Variants in TMEM196 observed in about 807,000 individuals in gnomAD.
TMEM196 encodes transmembrane protein 196.
In TMEM196, 17 loss-of-function variants were observed where a neutral mutation model predicts 20.0. That is an observed-to-expected ratio of 0.85 (90% CI 0.58 to 1.27). The LOEUF (loss-of-function observed/expected upper bound fraction) is 1.27. Ranked by LOEUF, TMEM196 falls within the 50% of genes most tolerant of loss-of-function variation. The probability of loss-of-function intolerance (pLI) is 0.00; values close to 1 mark genes in which losing one functional copy is unlikely to be tolerated. For missense variants in TMEM196, 267 were observed against 223.0 expected (o/e 1.20, Z -1.26); for synonymous variants, 113 against 88.9 (o/e 1.27, Z -1.52).
At chr7:19,733,654 C>CT (rs35191382) in intron 1 of TMEM196, among the ~76,000 whole-genome samples, 12 of 136,422 alleles carry the variant, frequency 8.8e-5, no homozygotes, top group Admixed American at 1.4e-4. Context: ...GTAGAAGATC[C>CT]TTTTTTAAAA....
At chr7:19,744,911 A>T (rs1784699777) in intron 1 of TMEM196, among the ~76,000 whole-genome samples, 1 of 152,220 alleles carries the variant, frequency 6.6e-6, no homozygotes, top group Non-Finnish European at 1.5e-5. Context: ...CAACAACAAC[A>T]AAACAGCAAA....
rs1783965922 is a variant in TMEM196 at position 19,725,551 on chromosome 7, T to C, written c.422A>G (p.Glu141Gly). 6.2e-7 allele frequency: 1 copy of C among 1,613,326 alleles called. No homozygotes were observed. Among genetic ancestry groups the C allele is most frequent in the Non-Finnish European group, 8.5e-7 (1 of 1,179,376 alleles). ...TTCATGAGAGTGATGCAGGGAATGC[T>C]CCCTTTCTGAGAACATCCTCCTCTG... is the stretch of plus-strand genomic sequence containing the variant. ...YEQRRMFSER[E>G]HSLHHSHEMA... Residue 141 changes from glutamate (E) to glycine (G), a missense_variant, in exon 3 of 5, where the codon GAG becomes GGG. Transcript: ENST00000405844.
rs115879099 is a variant in TMEM196, at chr7:19,737,944, G to A, written c.148-8506C>T. On this transcript the variant is annotated intron_variant, in intron 1 of 4. Transcript: ENST00000405844. ...ATTTTGTTAAAAATTAAAAAATTAGGGGGTTAGGGAATCCCAGAATAAAAT... is the reference window on the plus strand; with the variant it reads ...ATTTTGTTAAAAATTAAAAAATTAGAGGGTTAGGGAATCCCAGAATAAAAT... Among the ~76,000 whole-genome samples, 1,333 of 151,882 alleles carry A rather than the reference G, an allele frequency of 8.8e-3. 30 individuals are homozygous for A. Among genetic ancestry groups the A allele is most frequent in the African/African-American group, 0.031 (1,269 of 41,464 alleles).
At chr7:19,748,263 C>CAAAAAAAAAAAAAAAA (rs57276805) in intron 1 of TMEM196, among the ~76,000 whole-genome samples, 2 of 20,780 alleles carry the variant, frequency 9.6e-5, no homozygotes, top group African/African-American at 3.4e-4. Flanking sequence ...TGTGGCTGTC[C>CAAAAAAAAAAAAAAAA]AAAAAAAAAA....
intron 4 of TMEM196, among the ~76,000 whole-genome samples, chr7:19,723,403 G>T (rs891400810): frequency 1.3e-5 from 2 of 152,076 alleles, no homozygotes; most frequent in African/African-American, 4.8e-5. Flanking sequence ...CTCAAAAACT[G>T]CTTAGAAATG....
intron 1 of TMEM196, among the ~76,000 whole-genome samples, chr7:19,763,536 A>G (rs1455712721): frequency 1.3e-5 from 2 of 152,178 alleles, no homozygotes; most frequent in Non-Finnish European, 2.9e-5. Flanking sequence ...CCAAATCACA[A>G]CTATTACTAA....
intron 1 of TMEM196, among the ~76,000 whole-genome samples, chr7:19,750,199 A>G (rs565488624): frequency 1.2e-4 from 18 of 152,286 alleles, no homozygotes; most frequent in African/African-American, 4.3e-4. Flanking sequence ...AAAACTTCCC[A>G]TTCCTCTAAA....
At chr7:19,756,382 T>G (rs1323575768) in intron 1 of TMEM196, among the ~76,000 whole-genome samples, 1 of 152,164 alleles carries the variant, frequency 6.6e-6, no homozygotes, top group South Asian at 2.1e-4. Flanking sequence ...ATTTTAAAAG[T>G]TACGTGTGTA....
At chr7:19,753,479 A>G (rs987386994) in intron 1 of TMEM196, among the ~76,000 whole-genome samples, 1 of 151,982 alleles carries the variant, frequency 6.6e-6, no homozygotes, top group Non-Finnish European at 1.5e-5. Flanking sequence ...TTTTCAACCC[A>G]TGTTTTTAAA....
chr7:19,758,721 C>T (rs1785313142), intron 1 of TMEM196, among the ~76,000 whole-genome samples: 1 of 152,186 alleles, frequency 6.6e-6, no homozygotes, highest in African/African-American at 2.4e-5. Context: ...CACACGTACT[C>T]AGAATTCTAT....
chr7:19,766,188 G>A (rs1268423602), intron 1 of TMEM196, among the ~76,000 whole-genome samples: 1 of 152,182 alleles, frequency 6.6e-6, no homozygotes, highest in Non-Finnish European at 1.5e-5. Flanking sequence ...TATTGAGTGA[G>A]ATGTATAAAT....
At position 19,725,538 on chromosome 7, in the gene TMEM196, A is replaced by T. The variant is rs748435815; in HGVS notation, c.435T>A (p.His145Gln). The change falls in exon 3 of 5, where the codon CAT (histidine) becomes CAA (glutamine). Residue 145 changes from histidine (H) to glutamine (Q), a missense_variant. His to Gln is a conservative substitution (Grantham distance 24). Transcript: ENST00000405844. ...RMFSEREHSL[H>Q]HSHEMAEKRL... ...CTTTCTCAGCCATTTCATGAGAGTG[A>T]TGCAGGGAATGCTCCCTTTCTGAGA... is the stretch of plus-strand genomic sequence containing the variant. The T allele has an allele frequency of 1.2e-6, 2 of 1,612,084 alleles. No homozygotes were observed. The highest frequency in any genetic ancestry group is 1.7e-5 in the Admixed American group (1 of 59,964).
rs1583466095 is a variant in TMEM196, at chr7:19,769,399, C to G, written c.147+3151G>C. ...GCACACAGTCTCCTATGGTCTGGCC[C>G]CAATCATTTTTTCTATCCTTATCTT... is the stretch of plus-strand genomic sequence containing the variant. On this transcript the variant is annotated intron_variant, in intron 1 of 4. Transcript: ENST00000405844. Among the ~76,000 whole-genome samples the G allele has an allele frequency of 2.0e-5, 3 of 151,998 alleles. No individual in the cohort carries two copies. In the East Asian group the frequency reaches 5.8e-4, roughly 29 times the overall value.
chr7:19,750,081 T>C (rs1013432342), intron 1 of TMEM196, among the ~76,000 whole-genome samples: 5 of 152,316 alleles, frequency 3.3e-5, no homozygotes, highest in Non-Finnish European at 5.9e-5. Flanking sequence ...AAGAGCACCA[T>C]TAACCCTGGA....
At chr7:19,758,201 T>C (rs1051883672) in intron 1 of TMEM196, among the ~76,000 whole-genome samples, 3 of 152,182 alleles carry the variant, frequency 2.0e-5, no homozygotes, top group East Asian at 3.9e-4. Context: ...AATTGATCAA[T>C]AGCTCTTGTT....
intron 1 of TMEM196, among the ~76,000 whole-genome samples, chr7:19,742,458 A>G (rs940068056): frequency 6.6e-6 from 1 of 152,128 alleles, no homozygotes; most frequent in Non-Finnish European, 1.5e-5. Context: ...TATTAATAAT[A>G]ATCCTGACTT....
chr7:19,771,126 T>C (rs943386337), intron 1 of TMEM196, among the ~76,000 whole-genome samples: 1 of 152,162 alleles, frequency 6.6e-6, no homozygotes, highest in African/African-American at 2.4e-5. Context: ...ACAAGAACAA[T>C]AACTACAACT....
intron 1 of TMEM196, 75 bp downstream of exon 1, chr7:19,772,475 G>A (rs900026495): frequency 1.4e-6 from 2 of 1,383,060 alleles, no homozygotes; most frequent in East Asian, 2.8e-5. Context: ...TGACTAATGC[G>A]CGCACCCTGA....
At position 19,738,640 on chromosome 7, in the gene TMEM196, G is replaced by A. The variant is rs1055503376; in HGVS notation, c.148-9202C>T. ...ACAAACAAAACCCACATTGAGGTTT[G>A]TCAAAGGGACAAAGGAGCCAACTGA... On this transcript the variant is annotated intron_variant, in intron 1 of 4. Coordinates refer to ENST00000405844, the MANE Select transcript of TMEM196 (RefSeq NM_001363562.2). 5.9e-5 allele frequency among the ~76,000 whole-genome samples: 9 copies of A among 152,170 alleles called. No homozygotes were observed. In the East Asian group the frequency reaches 1.5e-3, roughly 26 times the overall value.
Sources: allele counts gnomAD v4.1 joint callset (sites outside exome capture counted in the v4.1 genomes callset), GRCh38; gene constraint gnomAD v4.1.1; transcripts MANE v1.5; gene names NCBI Gene and HGNC (gene_info 2026-07-23, HGNC 2026-07-21).